Variants in STMN4 observed in about 807,000 individuals in gnomAD.
STMN4 encodes the protein stathmin 4.
STMN4 carries 12 observed loss-of-function variants against 29.1 expected under a neutral mutation model. That is an observed-to-expected ratio of 0.41 (90% confidence interval 0.26 to 0.67). STMN4 has a LOEUF of 0.67. Among genes scored for constraint, STMN4 ranks in the 30% least tolerant of loss-of-function variants. STMN4 has a pLI of 0.30. For synonymous variants in STMN4, 114 were observed against 105.3 expected (o/e 1.08, Z -0.51); for missense variants, 181 against 262.8 (o/e 0.69, Z 2.15).
At chr8:27,247,575 G>A (rs574977413) in intron 1 of STMN4, among the ~76,000 whole-genome samples, 1 of 152,298 alleles carries the variant, frequency 6.6e-6, no homozygotes, top group East Asian at 1.9e-4. Context: ...GTGATGCTAG[G>A]TTGTCTTGTG....
intron 6 of STMN4, chr8:27,239,169 C>T: frequency 1.3e-6 from 2 of 1,516,266 alleles, no homozygotes; most frequent in Non-Finnish European, 1.8e-6. Flanking sequence ...GACCTGTTGC[C>T]AAGGGCCTGA....
chr8:27,249,295 A>G (rs1371240529), intron 1 of STMN4, among the ~76,000 whole-genome samples: 1 of 152,178 alleles, frequency 6.6e-6, no homozygotes, highest in African/African-American at 2.4e-5. Context: ...AGAGATGGAG[A>G]GAACAGGCAA....
At chr8:27,241,563 G>T (rs1801472507) in intron 4 of STMN4, 114 bp downstream of exon 4, 3 of 1,294,954 alleles carry the variant, frequency 2.3e-6, no homozygotes, top group African/African-American at 2.9e-5. Flanking sequence ...CTGCTGAGCT[G>T]CTCAATTTGT....
At position 27,239,134 on chromosome 8, in the gene STMN4, T is replaced by C. The variant is rs1801392251; in HGVS notation, c.591+837A>G. On this transcript the variant is annotated intron_variant, in intron 6 of 6. Transcript: ENST00000350889. ...AGGGCCTACGCAACATTCAGACACC[T>C]TGTGAAGAAACCAGATCCTTCTAGG... The C allele has an allele frequency of 3.5e-6, 5 of 1,427,464 alleles. No homozygotes were observed. The East Asian group carries it at 1.3e-4, about 36-fold the overall frequency. 88.4% of individuals were successfully genotyped at this position (1,427,464 alleles called of 1,614,324 possible). A position where few individuals can be genotyped will look rare whatever the true frequency, so the allele number is the denominator to read the frequency against.
rs755998431 is a variant in STMN4, at chr8:27,236,654, G to A, written c.*192C>T. The A allele has an allele frequency of 1.2e-4, 53 of 458,290 alleles. No individual in the cohort carries two copies. The highest frequency in any genetic ancestry group is 1.8e-4 in the Non-Finnish European group (48 of 264,262). 28.4% of individuals were successfully genotyped at this position (458,290 alleles called of 1,614,324 possible). Reference sequence around the variant, plus strand: ...CTCTCCCACCCCGTCATTGTTCCCCGGAAACAAATAGGATGGCTTCACTGG... The same window carrying A: ...CTCTCCCACCCCGTCATTGTTCCCCAGAAACAAATAGGATGGCTTCACTGG... On this transcript the variant is annotated 3_prime_UTR_variant, in exon 7 of 7. Coordinates refer to ENST00000350889, the MANE Select transcript of STMN4 (RefSeq NM_030795.4).
intron 6 of STMN4, chr8:27,239,626 G>A (rs986733267): frequency 3.2e-6 from 4 of 1,249,726 alleles, no homozygotes; most frequent in Admixed American, 5.9e-5. Flanking sequence ...ATCCATTCAG[G>A]GATGAAGCTA....
intron 1 of STMN4, among the ~76,000 whole-genome samples, chr8:27,253,031 G>C (rs1801837409): frequency 6.6e-6 from 1 of 152,210 alleles, no homozygotes; most frequent in South Asian, 2.1e-4. Flanking sequence ...AATGAACCTT[G>C]TAGAAATTCC....
intron 6 of STMN4, among the ~76,000 whole-genome samples, chr8:27,237,649 C>T (rs1411823956): frequency 1.3e-5 from 2 of 152,202 alleles, no homozygotes; most frequent in African/African-American, 4.8e-5. Context: ...AGAGAACCTT[C>T]TTTTATTTCA....
chr8:27,240,969 T>C (rs575620815), intron 5 of STMN4, 85 bp downstream of exon 5: 11 of 1,351,712 alleles, frequency 8.1e-6, no homozygotes, highest in Middle Eastern at 2.4e-4. Context: ...GATGAGCTTA[T>C]CCCAGCTCAG....
At position 27,240,008 on chromosome 8, in the gene STMN4, G is replaced by A. The variant is rs1801423368; in HGVS notation, c.554C>T (p.Ala185Val). 1.2e-6 allele frequency: 2 copies of A among 1,614,086 alleles called. No individual in the cohort carries two copies. Among genetic ancestry groups the A allele is most frequent in the Admixed American group, 3.3e-5 (2 of 60,006 alleles). Residue 185 changes from alanine (A) to valine (V), a missense_variant, in exon 6 of 7, where the codon GCC becomes GTC. Coordinates refer to ENST00000350889, the MANE Select transcript of STMN4 (RefSeq NM_030795.4). ...CCGTTCCAACATGGCGGCGAGGTGG[G>A]CCTCCCTGTTCTCCTTGTTGGATTC... is the stretch of plus-strand genomic sequence containing the variant. ...KMESNKENRE[A>V]HLAAMLERLQ...
At chr8:27,245,410 C>T (rs1002482905) in intron 1 of STMN4, among the ~76,000 whole-genome samples, 1 of 152,220 alleles carries the variant, frequency 6.6e-6, no homozygotes, top group Non-Finnish European at 1.5e-5. Flanking sequence ...AGTTAGAGTG[C>T]CCATTTGAAC....
At chr8:27,255,454 A>T (rs73239475) in intron 1 of STMN4, among the ~76,000 whole-genome samples, 1 of 152,182 alleles carries the variant, frequency 6.6e-6, no homozygotes, top group African/African-American at 2.4e-5. Context: ...AGTCTGAAGC[A>T]TTCTTGAAAA....
Position 27,251,995 on chromosome 8 carries a change from A to G in STMN4, c.-79+6356T>C, listed in dbSNP as rs563401084. Among the ~76,000 whole-genome samples the G allele has an allele frequency of 4.0e-5, 6 of 151,250 alleles. No homozygotes were observed. The East Asian group carries it at 5.8e-4, about 15-fold the overall frequency. Reference sequence around the variant, plus strand: ...TCCACAACAGTCCCCAGAGTGTGATATTCCCCTTCCTGTGTCCATGTGATC... The same window carrying G: ...TCCACAACAGTCCCCAGAGTGTGATGTTCCCCTTCCTGTGTCCATGTGATC... On this transcript the variant is annotated intron_variant, in intron 1 of 6. Transcript: ENST00000350889.
intron 6 of STMN4, chr8:27,239,671 T>C (rs954911965): frequency 7.0e-7 from 1 of 1,418,576 alleles, no homozygotes; most frequent in East Asian, 2.5e-5. Flanking sequence ...TCTACTCCTT[T>C]GTATTAGACA....
rs150158276 is a variant in STMN4, at chr8:27,241,715, C to G, written c.152G>C (p.Arg51Pro). The G allele has an allele frequency of 1.3e-3, 2,077 of 1,614,176 alleles. 4 individuals are homozygous for G. Among genetic ancestry groups the G allele is most frequent in the Non-Finnish European group, 1.5e-3 (1,815 of 1,180,024 alleles). Residue 51 changes from arginine to proline, a missense_variant, in exon 4 of 7, where the codon CGG becomes CCG. By Grantham distance (103) the Arg-to-Pro change is moderately radical. Coordinates refer to ENST00000350889, the MANE Select transcript of STMN4 (RefSeq NM_030795.4). The part of the protein sequence containing the change: ...RQCRRKDESQ[R>P]KDSADWRERR... ...TTCTCTCCAGTCAGCACTGTCTTTC[C>G]GCTGGCTTTCATCCTTCCTCCTACA... is the stretch of plus-strand genomic sequence containing the variant.
intron 3 of STMN4, 21 bp downstream of exon 3, chr8:27,242,376 C>T (rs1034782705): frequency 6.2e-7 from 1 of 1,613,850 alleles, no homozygotes; most frequent in African/African-American, 1.3e-5. Context: ...CCCTCACTTT[C>T]CTGGCTGAGC....
At position 27,236,244 on chromosome 8, in the gene STMN4, A is replaced by T. The variant is rs1801307194; in HGVS notation, c.*602T>A. 6.6e-6 allele frequency: 1 copy of T among 152,328 alleles called. No individual in the cohort carries two copies. The highest frequency in any genetic ancestry group is 1.5e-5 in the Non-Finnish European group (1 of 68,030). The allele number at this position is 152,328 out of a possible 1,614,324, so 9.4% of individuals were successfully genotyped here. ...AGATGGATGAAAGCCAGGTTTCGAG[A>T]ACTTTTTAACAATTACCCAAAGGAC... On this transcript the variant is annotated 3_prime_UTR_variant, in exon 7 of 7. Transcript: ENST00000350889.
At chr8:27,248,665 G>A (rs1374206601) in intron 1 of STMN4, among the ~76,000 whole-genome samples, 8 of 152,170 alleles carry the variant, frequency 5.3e-5, no homozygotes, top group African/African-American at 1.9e-4. Context: ...TTTCTATTAG[G>A]TTCTTTGAGA....
intron 1 of STMN4, among the ~76,000 whole-genome samples, chr8:27,255,870 C>T (rs1215054159): frequency 1.3e-5 from 2 of 152,188 alleles, no homozygotes; most frequent in African/African-American, 4.8e-5. Flanking sequence ...CTTTCACCGT[C>T]CCTCCACCTC....
Sources: gnomAD v4.1 joint callset for allele counts (sites outside exome capture counted in the v4.1 genomes callset) on GRCh38, gnomAD v4.1.1 for gene constraint, MANE v1.5 for transcripts, NCBI Gene and HGNC (gene_info 2026-07-23, HGNC 2026-07-21) for gene names.